MYRFL: variants seen among roughly 807,000 people sequenced by gnomAD.
MYRFL encodes the protein myelin regulatory factor like.
In MYRFL, 88 loss-of-function variants were observed where a neutral mutation model predicts 109.4. The ratio of observed to expected loss-of-function variants is 0.80; its 90% CI spans 0.68 to 0.96. The LOEUF is 0.96. Ranked by LOEUF, MYRFL falls within the 40% of genes least tolerant of loss-of-function variation. The pLI, the probability that MYRFL is intolerant of heterozygous loss-of-function variation, is 0.00. For missense variants in MYRFL, 957 were observed against 954.9 expected (o/e 1.00, Z -0.03); for synonymous variants, 324 against 320.9 (o/e 1.01, Z -0.10).
intron 2 of MYRFL, among the ~76,000 whole-genome samples, chr12:69,858,173 T>C (rs1884415704): frequency 6.6e-6 from 1 of 151,922 alleles, no homozygotes; most frequent in African/African-American, 2.4e-5. Flanking sequence ...TTTTTGATTA[T>C]TGAACTGCCT....
chr12:69,830,409 A>G (rs989727380), intron 1 of MYRFL, among the ~76,000 whole-genome samples: 2 of 150,450 alleles, frequency 1.3e-5, no homozygotes, highest in Admixed American at 6.6e-5. Context: ...GGAGGTTTCT[A>G]TGGATATAGT....
chr12:69,927,276 T>C (rs570716182), intron 14 of MYRFL, among the ~76,000 whole-genome samples: 11 of 152,102 alleles, frequency 7.2e-5, no homozygotes, highest in Non-Finnish European at 1.3e-4. Flanking sequence ...AAAAAAACCA[T>C]GAGACATCTG....
intron 1 of MYRFL, among the ~76,000 whole-genome samples, chr12:69,828,089 A>C (rs955129030): frequency 7.9e-5 from 12 of 152,132 alleles, no homozygotes; most frequent in Admixed American, 6.6e-5. Context: ...TTTAAGATCC[A>C]TGTGTCAAGA....
At chr12:69,927,404 A>G (rs886354795) in intron 14 of MYRFL, among the ~76,000 whole-genome samples, 2 of 137,848 alleles carry the variant, frequency 1.5e-5, no homozygotes, top group African/African-American at 5.3e-5. Flanking sequence ...CAGGGGGAAA[A>G]CTTTCTGTTA....
chr12:69,845,101 T>C (rs1178252484), intron 1 of MYRFL, among the ~76,000 whole-genome samples: 1 of 152,176 alleles, frequency 6.6e-6, no homozygotes, highest in East Asian at 1.9e-4. Context: ...GGCATCCGCA[T>C]AGAAAAGTGT....
chr12:69,918,075 C>T (rs997393560), intron 13 of MYRFL, among the ~76,000 whole-genome samples: 1 of 151,954 alleles, frequency 6.6e-6, no homozygotes, highest in Non-Finnish European at 1.5e-5. Flanking sequence ...GACATTTTTT[C>T]CCCATAGTGT....
intron 19 of MYRFL, among the ~76,000 whole-genome samples, chr12:69,939,594 A>AAAAC (rs536274293): frequency 0.016 from 2,485 of 152,356 alleles, 36 homozygotes; most frequent in South Asian, 0.035. Flanking sequence ...AGATGGGGAA[A>AAAAC]AAACAGAACA....
At chr12:69,923,125 T>TATCA (rs1363585886) in intron 13 of MYRFL, among the ~76,000 whole-genome samples, 4 of 152,246 alleles carry the variant, frequency 2.6e-5, no homozygotes, top group African/African-American at 4.8e-5. Context: ...TTCTTTGTTC[T>TATCA]ATCATGGTAA....
chr12:69,957,736 T>C (rs1349055173), intron 22 of MYRFL, 86 bp from the exon 23 acceptor site: 1 of 1,420,624 alleles, frequency 7.0e-7, no homozygotes, highest in Non-Finnish European at 9.3e-7. Flanking sequence ...TACGTTCCCA[T>C]TAGATCCTCC....
intron 1 of MYRFL, 79 bp downstream of exon 1, chr12:69,825,642 C>G (rs771511295): frequency 1.5e-6 from 1 of 671,664 alleles, no homozygotes; most frequent in Non-Finnish European, 2.7e-6. Flanking sequence ...TCCGTATTCA[C>G]TTAAACTTTG....
intron 15 of MYRFL, among the ~76,000 whole-genome samples, chr12:69,931,653 A>T (rs1622741): frequency 0.75 from 113,507 of 151,358 alleles, 42,908 homozygotes; most frequent in Middle Eastern, 0.88. Context: ...CTCTATCCCA[A>T]ATTCCCCGGA....
In MYRFL at chr12:69,942,047, C is replaced by T. The variant is rs1184263137; in HGVS notation, c.2224+5415C>T. ...CTGAAATTGTGGCAATAATCAATAG[C>T]TTACCAACCAAAAAGAGTCCAGGAC... is the stretch of plus-strand genomic sequence containing the variant. On this transcript the variant is annotated intron_variant, in intron 19 of 24. Transcript: ENST00000552032. Among the ~76,000 whole-genome samples the T allele has an allele frequency of 4.0e-5, 6 of 148,720 alleles. 1 individual carries two copies. Among genetic ancestry groups the T allele is most frequent in the East Asian group, 2.0e-4 (1 of 5,086 alleles).
intron 19 of MYRFL, among the ~76,000 whole-genome samples, chr12:69,943,256 G>A (rs1955721878): frequency 6.6e-6 from 1 of 151,156 alleles, no homozygotes; most frequent in South Asian, 2.1e-4. Flanking sequence ...CAAAGCTGGA[G>A]GCATCACACT....
chr12:69,928,569 C>T (rs757571089), intron 15 of MYRFL, among the ~76,000 whole-genome samples: 11 of 152,164 alleles, frequency 7.2e-5, no homozygotes, highest in Non-Finnish European at 1.6e-4. Flanking sequence ...AGAAAGAGTT[C>T]AAAATTCTTC....
chr12:69,917,383 CTTTTTTT>C (rs56118035), intron 13 of MYRFL, among the ~76,000 whole-genome samples: 21 of 102,498 alleles, frequency 2.0e-4, no homozygotes, highest in Non-Finnish European at 1.8e-4. Flanking sequence ...TATTCACTGA[CTTTTTTT>C]TTTTTTTTTT....
intron 10 of MYRFL, among the ~76,000 whole-genome samples, chr12:69,900,952 T>C (rs1266203629): frequency 6.6e-6 from 1 of 152,150 alleles, no homozygotes; most frequent in East Asian, 1.9e-4. Context: ...GAGAATAACT[T>C]TGAGACTTTT....
rs74610421 is a variant in MYRFL, at chr12:69,841,014, A to T, written c.47-14266A>T. 9.9e-3 allele frequency among the ~76,000 whole-genome samples: 1,502 copies of T among 152,308 alleles called. 13 individuals carry two copies. Among genetic ancestry groups the T allele is most frequent in the Non-Finnish European group, 0.015 (1,049 of 68,028 alleles). On this transcript the variant is annotated intron_variant, in intron 1 of 24. Transcript: ENST00000552032. ...CCAGAGACAGTCTTTTAATTCAGTT[A>T]TTATTTCCAACAATGGGTCACGTTA...
At chr12:69,865,434 G>A (rs910094024) in intron 2 of MYRFL, among the ~76,000 whole-genome samples, 1 of 152,164 alleles carries the variant, frequency 6.6e-6, no homozygotes, top group East Asian at 1.9e-4. Context: ...TGAGACAGAA[G>A]GGAGAGAGTG....
intron 2 of MYRFL, among the ~76,000 whole-genome samples, chr12:69,863,162 T>C (rs554285131): frequency 1.1e-3 from 165 of 152,258 alleles, no homozygotes; most frequent in African/African-American, 3.8e-3. Context: ...CAGTATTTTA[T>C]TGAGGATTTT....
Sources: gnomAD v4.1 joint callset for allele counts (sites outside exome capture counted in the v4.1 genomes callset) on GRCh38, gnomAD v4.1.1 for gene constraint, MANE v1.5 for transcripts, NCBI Gene and HGNC (gene_info 2026-07-23, HGNC 2026-07-21) for gene names.